The following SCIMP variants were observed in gnomAD, a reference collection of about 807,000 sequenced individuals.
The protein encoded by SCIMP is SLP adapter and CSK-interacting membrane protein.
Under a neutral mutation model 22.0 loss-of-function variants are expected in SCIMP, and 18 were observed. The ratio of observed to expected loss-of-function variants is 0.82; its 90% CI spans 0.56 to 1.21. The LOEUF (loss-of-function observed/expected upper bound fraction) is 1.21, where lower values mean the gene tolerates loss of function less well. Among genes scored for constraint, SCIMP ranks in the 50% most tolerant of loss-of-function variants. The probability of loss-of-function intolerance (pLI) is 0.00; values close to 1 mark genes in which losing one functional copy is unlikely to be tolerated. For synonymous variants in SCIMP, 53 were observed against 62.2 expected, an observed-to-expected ratio of 0.85 and a Z score of 0.70; for missense variants, 155 against 171.2, an observed-to-expected ratio of 0.91 and a Z score of 0.53.
intron 3 of SCIMP, among the ~76,000 whole-genome samples, chr17:5,218,964 G>C (rs561704298): frequency 1.4e-4 from 22 of 152,188 alleles, no homozygotes; most frequent in South Asian, 1.0e-3. Flanking sequence ...TCCAAAGAAA[G>C]GACTGGCTCT....
At chr17:5,224,522 G>T (rs2074633327) in intron 1 of SCIMP, among the ~76,000 whole-genome samples, 1 of 151,638 alleles carries the variant, frequency 6.6e-6, no homozygotes, top group African/African-American at 2.4e-5. Context: ...GAGTGCAGTG[G>T]CGCGATCTTG....
chr17:5,227,331 A>C (rs374869105), intron 1 of SCIMP, among the ~76,000 whole-genome samples: 1 of 149,492 alleles, frequency 6.7e-6, no homozygotes, highest in African/African-American at 2.5e-5. Flanking sequence ...ACACTCTTAC[A>C]CTTAGCCAGG....
At chr17:5,219,585 G>A (rs551502494) in intron 3 of SCIMP, among the ~76,000 whole-genome samples, 1 of 152,222 alleles carries the variant, frequency 6.6e-6, no homozygotes, top group South Asian at 2.1e-4. Context: ...CCGAAATCAC[G>A]CCATTGCTCT....
intron 3 of SCIMP, among the ~76,000 whole-genome samples, chr17:5,219,108 A>G (rs1235700030): frequency 6.7e-6 from 1 of 150,324 alleles, no homozygotes. Flanking sequence ...TCACGAGGTT[A>G]GGAGTTCGAG....
At chr17:5,223,529 A>G (rs2074624230) in intron 1 of SCIMP, 73 bp from the exon 2 acceptor site, 8 of 1,466,584 alleles carry the variant, frequency 5.5e-6, no homozygotes, top group South Asian at 3.4e-5. Context: ...TGGGGCAGTT[A>G]TCTACTGTGG....
chr17:5,226,203 T>A (rs763530627), intron 1 of SCIMP, among the ~76,000 whole-genome samples: 190 of 152,290 alleles, frequency 1.2e-3, no homozygotes, highest in Middle Eastern at 6.8e-3. Context: ...GGGCTGTTGC[T>A]TTTCGTTATA....
chr17:5,216,273 A>G (rs891849028), intron 3 of SCIMP, among the ~76,000 whole-genome samples: 2 of 152,210 alleles, frequency 1.3e-5, no homozygotes, highest in African/African-American at 4.8e-5. Context: ...AGAATGAACA[A>G]TCTACAACTA....
chr17:5,231,032 G>A (rs1039179280), intron 1 of SCIMP, among the ~76,000 whole-genome samples: 2 of 152,128 alleles, frequency 1.3e-5, no homozygotes, highest in Non-Finnish European at 2.9e-5. Flanking sequence ...TAACATCTCT[G>A]ACATATAGGT....
chr17:5,229,970 C>T (rs2074681826), intron 1 of SCIMP, among the ~76,000 whole-genome samples: 1 of 151,674 alleles, frequency 6.6e-6, no homozygotes, highest in Non-Finnish European at 1.5e-5. Context: ...TTTTTCTCCT[C>T]TCCTTTCCCT....
chr17:5,213,338 C>T (rs184982244), intron 4 of SCIMP: 11 of 731,598 alleles, frequency 1.5e-5, no homozygotes, highest in Middle Eastern at 6.9e-4. Context: ...TGCAGACCTC[C>T]CAGGCTCAAG....
Position 5,227,796 on chromosome 17 carries a change from C to T in SCIMP, c.22-4340G>A, listed in dbSNP as rs575776799. Among the ~76,000 whole-genome samples the T allele has an allele frequency of 1.1e-3, 172 of 152,330 alleles. 1 individual carries two copies. Among genetic ancestry groups the T allele is most frequent in the African/African-American group, 3.8e-3 (156 of 41,568 alleles). On this transcript the variant is annotated intron_variant, in intron 1 of 4. Transcript: ENST00000574081. ...CAATTTTAGTTGGTGGAGCCTCTCT[C>T]GTGAGGCCATCCTTTCTCCTTGCCT...
intron 4 of SCIMP, chr17:5,214,713 G>T (rs1219121381): frequency 2.2e-6 from 1 of 461,318 alleles, no homozygotes; most frequent in South Asian, 3.8e-5. Flanking sequence ...GGTGGCGGGT[G>T]CCTGTAGTCC....
chr17:5,222,247 G>T (rs144390084), intron 2 of SCIMP, among the ~76,000 whole-genome samples: 1 of 151,562 alleles, frequency 6.6e-6, no homozygotes, highest in African/African-American at 2.4e-5. Context: ...CTGCCACCAC[G>T]CCCGGCTAAT....
intron 1 of SCIMP, among the ~76,000 whole-genome samples, chr17:5,232,525 G>A (rs974375046): frequency 6.8e-6 from 1 of 147,980 alleles, no homozygotes; most frequent in Admixed American, 6.6e-5. Flanking sequence ...GAAGTCCTGG[G>A]GAGGGCTTTG....
At chr17:5,211,092 A>T (rs565571125) in intron 4 of SCIMP, 137 bp from the exon 5 acceptor site, 1 of 1,371,868 alleles carries the variant, frequency 7.3e-7, no homozygotes, top group East Asian at 2.5e-5. Context: ...TTACAGAGGA[A>T]ATTTAGACAC....
intron 1 of SCIMP, among the ~76,000 whole-genome samples, chr17:5,232,348 A>ATATAAAAAGTGCAGTGTAAACAGTGCAG (rs2074704685): frequency 1.5e-4 from 5 of 34,462 alleles, no homozygotes; most frequent in African/African-American, 5.8e-4. Context: ...AAGGGGTGGA[A>ATATAAAAAGTGCAGTGTAAACAGTGCAG]TATAAACAGT....
Position 5,210,840 on chromosome 17 carries a change from A to C in SCIMP, c.399T>G (p.Asp133Glu). 1 of 1,611,410 alleles carries C rather than the reference A, an allele frequency of 6.2e-7. No homozygotes were observed. The highest frequency in any genetic ancestry group is 8.5e-7 in the Non-Finnish European group (1 of 1,179,414). ...SYIEPEDDYD[D>E]VEIPANTEKA... is the part of the protein sequence containing the mutation. ...TTTCAGTATTTGCAGGGATTTCAACATCGTCATAGTCATCTTCAGGCTCAA... is the reference window on the plus strand; with the variant it reads ...TTTCAGTATTTGCAGGGATTTCAACCTCGTCATAGTCATCTTCAGGCTCAA... Residue 133 changes from aspartate to glutamate, a missense_variant, in exon 5 of 5, where the codon GAT (aspartate) becomes GAG (glutamate). Asp to Glu is a conservative substitution (Grantham distance 45). Coordinates refer to ENST00000574081, the MANE Select transcript of SCIMP (RefSeq NM_207103.3).
chr17:5,231,848 A>T (rs894156103), intron 1 of SCIMP, among the ~76,000 whole-genome samples: 14 of 152,246 alleles, frequency 9.2e-5, no homozygotes, highest in African/African-American at 3.4e-4. Context: ...AGGTCAGGAG[A>T]TCAAGACCAT....
intron 1 of SCIMP, among the ~76,000 whole-genome samples, chr17:5,228,600 G>A (rs2074670127): frequency 6.7e-6 from 1 of 150,040 alleles, no homozygotes; most frequent in African/African-American, 2.5e-5. Context: ...GGCCATGAAT[G>A]TGCCACTGCA....
Sources: gnomAD v4.1 joint callset for allele counts (sites outside exome capture counted in the v4.1 genomes callset) on GRCh38, gnomAD v4.1.1 for gene constraint, MANE v1.5 for transcripts, NCBI Gene and HGNC (gene_info 2026-07-23, HGNC 2026-07-21) for gene names.